The following PRR4 variants were observed in gnomAD, a reference collection of about 807,000 sequenced individuals.
PRR4 encodes the protein proline rich 4, also known as proline-rich protein 4.
A neutral mutation model predicts 7.6 loss-of-function variants in PRR4; 7 were observed. The ratio of observed to expected loss-of-function variants is 0.92; its 90% CI spans 0.52 to 1.73. The LOEUF (loss-of-function observed/expected upper bound fraction) is 1.73. Ranked by LOEUF, PRR4 falls within the 40% of genes most tolerant of loss-of-function variation. The pLI is 0.00. For synonymous variants in PRR4, 64 were observed against 58.5 expected (o/e 1.09, Z -0.43); for missense variants, 187 against 161.0 (o/e 1.16, Z -0.87).
chr12:10,847,976 T>A (rs12310768), intron 2 of PRR4, among the ~76,000 whole-genome samples: 3,948 of 152,274 alleles, frequency 0.026, 89 homozygotes, highest in Non-Finnish European at 0.038. Flanking sequence ...TTTTTTGTTT[T>A]GTTTTGTGTT....
intron 1 of PRR4, chr12:10,848,672 G>A (rs1242377456): frequency 2.6e-6 from 1 of 386,306 alleles, no homozygotes; most frequent in Admixed American, 4.4e-5. Context: ...TGCTAATTTA[G>A]GCACACTTCT....
Position 10,847,330 on chromosome 12 carries a change from G to A in PRR4, c.138C>T (p.Pro46=), listed in dbSNP as rs1188705783. ...EDSSQRPDQG[P]QRPPPEGLLP... is the part of the protein sequence containing the mutation. ...GGAGTCCTTCAGGAGGAGGTCTCTG[G>A]GGTCCCTGATCTGGTCTCTGACTTG... is the stretch of plus-strand genomic sequence containing the variant. The change falls in exon 3 of 4, where the codon CCC becomes CCT. Residue 46 remains proline (P), a synonymous_variant. Transcript: ENST00000228811. The A allele has an allele frequency of 6.4e-7, 1 of 1,572,010 alleles. No individual in the cohort carries two copies. The highest frequency in any genetic ancestry group is 8.6e-7 in the Non-Finnish European group (1 of 1,156,598).
intron 3 of PRR4, 106 bp downstream of exon 3, chr12:10,846,939 C>G: frequency 9.3e-7 from 1 of 1,079,806 alleles, no homozygotes; most frequent in Admixed American, 2.7e-5. Flanking sequence ...GAAATGGGGT[C>G]CAGGATTATG....
At chr12:10,846,313 T>G (rs1029243503) in intron 3 of PRR4, among the ~76,000 whole-genome samples, 7 of 152,174 alleles carry the variant, frequency 4.6e-5, no homozygotes, top group African/African-American at 1.7e-4. Flanking sequence ...AATGATAAAG[T>G]TGTCTAAGAC....
rs768598943 is a variant in PRR4, at chr12:10,847,190, C to T, written c.278G>A (p.Arg93Gln). 23 of 1,613,098 alleles carry T rather than the reference C, an allele frequency of 1.4e-5. No homozygotes were observed. The highest frequency in any genetic ancestry group is 1.8e-5 in the Non-Finnish European group (21 of 1,179,620). Residue 93 changes from arginine to glutamine, a missense_variant, in exon 3 of 4, where the codon CGA becomes CAA. Transcript: ENST00000228811. ...PPPPPFQNQQ[R>Q]PPRRGHRQLS... Reference sequence around the variant, plus strand: ...TTGACGGTGTCCTCGTCGGGGTGGTCGTTGCTGATTTTGAAAAGGAGGTGG... The same window carrying T: ...TTGACGGTGTCCTCGTCGGGGTGGTTGTTGCTGATTTTGAAAAGGAGGTGG...
chr12:10,846,441 A>C (rs1429449802), intron 3 of PRR4, among the ~76,000 whole-genome samples: 1 of 152,224 alleles, frequency 6.6e-6, no homozygotes, highest in Non-Finnish European at 1.5e-5. Flanking sequence ...TGTTCAAAAA[A>C]TTAAGGGTGG....
intron 3 of PRR4, among the ~76,000 whole-genome samples, 152 bp from the exon 4 acceptor site, chr12:10,846,102 C>G (rs1565429692): frequency 6.6e-6 from 1 of 151,908 alleles, no homozygotes; most frequent in Non-Finnish European, 1.5e-5. Flanking sequence ...GGTTACTGTT[C>G]AAAACATTCA....
intron 1 of PRR4, chr12:10,848,617 T>C (rs1208146451): frequency 1.1e-5 from 5 of 450,156 alleles, no homozygotes; most frequent in Middle Eastern, 5.5e-4. Context: ...ACGAATTCAA[T>C]AGAAGAGTCC....
chr12:10,847,396 C>T, intron 2 of PRR4, 29 bp from the exon 3 acceptor site: 1 of 1,441,404 alleles, frequency 6.9e-7, no homozygotes, highest in South Asian at 1.6e-5. Context: ...GACAAGAATG[C>T]ATGAGCTCAG....
intron 2 of PRR4, 79 bp from the exon 3 acceptor site, chr12:10,847,446 A>G: frequency 8.8e-7 from 1 of 1,138,790 alleles, no homozygotes; most frequent in Non-Finnish European, 1.2e-6. Context: ...CTCTCACCTT[A>G]CCACACAGCC....
At position 10,847,279 on chromosome 12, in the gene PRR4, A is replaced by G. The variant is rs1309882478; in HGVS notation, c.189T>C (p.Gly63=). ...GLLPRPPGDS[G]NQDDGPQQRP... is the part of the protein sequence containing the mutation. ...TCTGCTGAGGACCATCATCTTGGTT[A>G]CCACTATCACCAGGGGGTCTAGGTA... The change falls in exon 3 of 4, where the codon GGT becomes GGC. Residue 63 remains glycine, a synonymous_variant. Coordinates refer to ENST00000228811, the MANE Select transcript of PRR4 (RefSeq NM_007244.3). 5.6e-6 allele frequency: 9 copies of G among 1,610,748 alleles called. No homozygotes were observed. Among genetic ancestry groups the G allele is most frequent in the Non-Finnish European group, 7.6e-6 (9 of 1,178,050 alleles).
chr12:10,849,217 G>C (rs976738117), intron 1 of PRR4, 157 bp downstream of exon 1: 2 of 376,952 alleles, frequency 5.3e-6, no homozygotes, highest in Non-Finnish European at 9.7e-6. Flanking sequence ...GTCATCCTTG[G>C]AATGAGAGCT....
Position 10,847,387 on chromosome 12 carries a change from A to G in PRR4, c.101-20T>C, listed in dbSNP as rs539359615. Reference sequence around the variant, plus strand: ...CTACATCTGTGTGAGTAATTAATGGACAAGAATGCATGAGCTCAGTGAAGA... The same window carrying G: ...CTACATCTGTGTGAGTAATTAATGGGCAAGAATGCATGAGCTCAGTGAAGA... On this transcript the variant is annotated intron_variant, in intron 2 of 3. Transcript: ENST00000228811. 1.2e-5 allele frequency: 18 copies of G among 1,456,660 alleles called. No homozygotes were observed. In the South Asian group the frequency reaches 2.6e-4, roughly 21 times the overall value. 90.2% of individuals were successfully genotyped at this position (1,456,660 alleles called of 1,614,324 possible).
chr12:10,846,885 A>C, intron 3 of PRR4, 160 bp downstream of exon 3: 1 of 639,170 alleles, frequency 1.6e-6, no homozygotes, highest in Non-Finnish European at 2.3e-6. Context: ...TAAAAATACA[A>C]GGACTTGCAA....
chr12:10,847,825 A>C (rs1224932434), intron 2 of PRR4, among the ~76,000 whole-genome samples: 30 of 152,178 alleles, frequency 2.0e-4, no homozygotes. Context: ...CCTGGAACCA[A>C]GTAGAGAAAT....
rs185465839 is a variant in PRR4 at position 10,848,501 on chromosome 12, C to T, written c.65-94G>A. 8.7e-6 allele frequency: 10 copies of T among 1,155,646 alleles called. No individual in the cohort carries two copies. In the Admixed American group the frequency reaches 8.7e-5, roughly 10 times the overall value. 71.6% of individuals were successfully genotyped at this position (1,155,646 alleles called of 1,614,324 possible). A position where few individuals can be genotyped will look rare whatever the true frequency, so the allele number is the denominator to read the frequency against. On this transcript the variant is annotated intron_variant, in intron 1 of 3. Transcript: ENST00000228811. ...AGGGAAAGGGGTCTTCTGGCCACAC[C>T]CTGTGCATCCCCTAAGTTACCTCAT...
intron 3 of PRR4, 65 bp downstream of exon 3, chr12:10,846,980 A>G: frequency 2.2e-6 from 3 of 1,344,216 alleles, no homozygotes; most frequent in Non-Finnish European, 1.0e-6. Flanking sequence ...TTGATTTGTG[A>G]ACACGATAAA....
Position 10,847,192 on chromosome 12 carries a change from T to TTGC in PRR4, c.273_275dup (p.Gln92dup), listed in dbSNP as rs1321674441. ...GACGGTGTCCTCGTCGGGGTGGTCG[T>TTGC]TGCTGATTTTGAAAAGGAGGTGGGG... On this transcript the variant is annotated inframe_insertion, in exon 3 of 4. Coordinates refer to ENST00000228811, the MANE Select transcript of PRR4 (RefSeq NM_007244.3). 6.2e-7 allele frequency: 1 copy of TTGC among 1,613,476 alleles called. No homozygotes were observed. The highest frequency in any genetic ancestry group is 2.2e-5 in the East Asian group (1 of 44,852).
intron 3 of PRR4, among the ~76,000 whole-genome samples, chr12:10,846,351 G>A (rs1170430362): frequency 1.3e-5 from 2 of 152,154 alleles, no homozygotes; most frequent in Non-Finnish European, 2.9e-5. Flanking sequence ...AGCAAATACA[G>A]ATCTGCATAT....
Sources: gnomAD v4.1 joint callset for allele counts (sites outside exome capture counted in the v4.1 genomes callset) on GRCh38, gnomAD v4.1.1 for gene constraint, MANE v1.5 for transcripts, NCBI Gene and HGNC (gene_info 2026-07-23, HGNC 2026-07-21) for gene names.